Variants in UPF3B observed in about 807,000 individuals in gnomAD.
UPF3B encodes the protein regulator of nonsense transcripts 3B.
Under a neutral mutation model 40.3 loss-of-function variants are expected in UPF3B, and 7 were observed. The ratio of observed to expected loss-of-function variants is 0.17; its 90% confidence interval spans 0.10 to 0.33. The LOEUF is 0.33. UPF3B is among the 10% of genes least tolerant of loss of function. The probability of loss-of-function intolerance (pLI) is 1.00; values close to 1 mark genes in which losing one functional copy is unlikely to be tolerated. For missense variants in UPF3B, 229 were observed against 358.9 expected, an observed-to-expected ratio of 0.64 and a Z score of 2.93; for synonymous variants, 117 against 117.3, an observed-to-expected ratio of 1.00 and a Z score of 0.01.
downstream of UPF3B, among the ~76,000 whole-genome samples, chrX:119,831,981 T>C (rs1467057637): frequency 9.2e-6 from 1 of 108,959 alleles, no homozygotes; most frequent in East Asian, 2.8e-4. Context: ...GTAAATTTCT[T>C]TTACAGGATC....
At chrX:119,844,042 ATTTC>A (rs780080488) in intron 4 of UPF3B, among the ~76,000 whole-genome samples, 13 of 110,740 alleles carry the variant, frequency 1.2e-4, no homozygotes, top group Admixed American at 5.8e-4. Flanking sequence ...CAGTTCTTGT[ATTTC>A]TTTCTTTCTT....
downstream of UPF3B, among the ~76,000 whole-genome samples, chrX:119,829,264 C>T (rs2056012917): frequency 1.8e-5 from 2 of 112,116 alleles, no homozygotes; most frequent in South Asian, 7.3e-4. Flanking sequence ...TCGTGATCTG[C>T]CCGCCTTGGC....
chrX:119,841,361 C>T, intron 6 of UPF3B, 103 bp from the exon 7 acceptor site: 1 of 1,158,004 alleles, frequency 8.6e-7, no homozygotes, highest in East Asian at 3.0e-5. Context: ...ATCTTTCCTT[C>T]CTACTTTCTA....
rs55712755 is a variant in UPF3B, at chrX:119,851,748, C to CTT, written c.263+17_263+18dup. The CTT allele has an allele frequency of 3.3e-3, 1,843 of 558,382 alleles. 27 individuals are homozygous for CTT. Among genetic ancestry groups the CTT allele is most frequent in the African/African-American group, 3.5e-3 (71 of 20,012 alleles). The allele number at this position is 558,382 out of a possible 1,213,427, so 46.0% of individuals were successfully genotyped here. A position where few individuals can be genotyped will look rare whatever the true frequency, so the allele number is the denominator to read the frequency against. On this transcript the variant is annotated intron_variant, in intron 2 of 10. Transcript: ENST00000276201. ...GAAACCTTTTTCATTTACCCCTTTC[C>CTT]TTTTTTTTTTTTTTTTACCTCGTAT...
chrX:119,827,832 A>G (rs749691102), intron 3 of UPF3B, among the ~76,000 whole-genome samples: 1 of 110,512 alleles, frequency 9.0e-6, no homozygotes, highest in South Asian at 3.9e-4. Context: ...TCCGGGTTCA[A>G]GCAATTCTCC....
chrX:119,845,466 G>A (rs948100815), intron 3 of UPF3B, among the ~76,000 whole-genome samples, 170 bp from the exon 4 acceptor site: 1 of 111,883 alleles, frequency 8.9e-6, no homozygotes, highest in Admixed American at 9.5e-5. Context: ...ACTACAAAAG[G>A]AGCCACAAAT....
chrX:119,827,099 C>T (rs921837049), intron 3 of UPF3B, among the ~76,000 whole-genome samples: 6 of 111,868 alleles, frequency 5.4e-5, no homozygotes, highest in African/African-American at 1.9e-4. Flanking sequence ...CAAACAAGAG[C>T]AATTTTGAGA....
chrX:119,815,971 G>T (rs749041575), intron 4 of UPF3B, among the ~76,000 whole-genome samples: 1 of 111,075 alleles, frequency 9.0e-6, no homozygotes, highest in East Asian at 2.8e-4. Flanking sequence ...TAGTAGAGAC[G>T]GGGTTTCACC....
chrX:119,849,995 A>G (rs1402574759), intron 3 of UPF3B, among the ~76,000 whole-genome samples: 1 of 109,132 alleles, frequency 9.2e-6, no homozygotes, highest in Non-Finnish European at 1.9e-5. Context: ...AGTCTCTTTA[A>G]TAAGTGGTGT....
intron 3 of UPF3B, among the ~76,000 whole-genome samples, chrX:119,848,082 C>G (rs2056256610): frequency 9.2e-6 from 1 of 108,975 alleles, no homozygotes; most frequent in African/African-American, 3.4e-5. Flanking sequence ...GAGTTTGAAA[C>G]TAGCCTGGCC....
intron 2 of UPF3B, 45 bp from the exon 3 acceptor site, chrX:119,851,646 G>A (rs764321696): frequency 2.9e-6 from 3 of 1,022,123 alleles, no homozygotes; most frequent in Non-Finnish European, 4.1e-6. Context: ...GCAGGTGTCT[G>A]GCCCAATTAC....
chrX:119,827,736 CTTCT>C (rs1034765458), intron 3 of UPF3B, among the ~76,000 whole-genome samples: 21 of 109,232 alleles, frequency 1.9e-4, no homozygotes, highest in Middle Eastern at 4.7e-3. Context: ...TTTTTTTCCT[CTTCT>C]TTATTTTTTT....
chrX:119,841,171 C>T lies in UPF3B; in HGVS notation c.712G>A (p.Glu238Lys). The change falls in exon 7 of 11, where the codon GAA (glutamate) becomes AAA (lysine). Residue 238 changes from glutamate to lysine, a missense_variant. Physicochemically the swap from Glu to Lys is moderately conservative, Grantham distance 56. This residue lies in a region of UPF3B where 87 missense variants were observed against 184.2 expected (regional missense o/e 0.47). Transcript: ENST00000276201. ...TCTTTCCTTTTTCGTTTCTCTTCTT[C>T]TTTCCATTTCCTCCTCTCTTCTTCT... Reference protein sequence around the residue: ...QREEERRKWKEEEKRKRKDIE... With the variant: ...QREEERRKWKKEEKRKRKDIE... The T allele has an allele frequency of 8.4e-7, 1 of 1,185,806 alleles. No homozygotes were observed. The highest frequency in any genetic ancestry group is 1.1e-6 in the Non-Finnish European group (1 of 873,431).
downstream of UPF3B, among the ~76,000 whole-genome samples, chrX:119,833,508 T>G (rs756011004): frequency 9.1e-6 from 1 of 110,303 alleles, no homozygotes; most frequent in East Asian, 2.9e-4. Context: ...CCCAGCTAAT[T>G]TTTAAAAATT....
In UPF3B at chrX:119,847,585, G is replaced by A. The variant is rs771406986; in HGVS notation, c.371-2289C>T. ...GTTTGAGACCAGCCTGGCCAACATG[G>A]TGAAACTCCGTCTCTACCACAAACA... On this transcript the variant is annotated intron_variant, in intron 3 of 10. Coordinates refer to ENST00000276201, the MANE Select transcript of UPF3B (RefSeq NM_080632.3). 2.1e-3 allele frequency among the ~76,000 whole-genome samples: 228 copies of A among 110,043 alleles called. 1 individual carries two copies. The highest frequency in any genetic ancestry group is 2.9e-3 in the Non-Finnish European group (151 of 52,710).
At position 119,826,008 on chromosome X, in the gene UPF3B, A is replaced by G. The variant is rs148280976; in HGVS notation, c.393-2965T>C. 3.6e-5 allele frequency among the ~76,000 whole-genome samples: 4 copies of G among 110,965 alleles called. No individual in the cohort carries two copies. In the East Asian group the frequency reaches 1.1e-3, roughly 31 times the overall value. ...ATCCATTCTCTACTAAAAAAATACA[A>G]AAATTAGCCATTCATGGTGGCGCAC... On this transcript the variant is annotated intron_variant, in intron 3 of 6. Coordinates refer to the UPF3B transcript ENST00000636792.
intron 6 of UPF3B, among the ~76,000 whole-genome samples, chrX:119,806,479 A>G (rs1383695231): frequency 3.6e-5 from 4 of 110,844 alleles, no homozygotes; most frequent in Admixed American, 2.9e-4. Context: ...AACTTAAAGT[A>G]TAATAAAAAA....
In UPF3B at chrX:119,852,935, G is replaced by A; in HGVS notation, c.-7C>T. ...GCTCCTTCTCTTCCTTCATGGCTACGTCCCCCGCTGAAGCGGCTTGGCCGG... is the reference window on the plus strand; with the variant it reads ...GCTCCTTCTCTTCCTTCATGGCTACATCCCCCGCTGAAGCGGCTTGGCCGG... On this transcript the variant is annotated 5_prime_UTR_variant, in exon 1 of 11. In the 5' UTR this introduces an upstream ATG that the reference lacks. Transcript: ENST00000276201. 1 of 1,211,946 alleles carries A rather than the reference G, an allele frequency of 8.3e-7. No homozygotes were observed. Among genetic ancestry groups the A allele is most frequent in the Non-Finnish European group, 1.1e-6 (1 of 895,543 alleles).
intron 4 of UPF3B, 119 bp downstream of exon 4, chrX:119,845,079 A>T: frequency 1.8e-6 from 1 of 566,387 alleles, no homozygotes; most frequent in Non-Finnish European, 2.9e-6. Flanking sequence ...AACATTTCTC[A>T]CTTACTTTAT....
Sources: allele counts gnomAD v4.1 joint callset (sites outside exome capture counted in the v4.1 genomes callset), GRCh38; gene constraint gnomAD v4.1.1; regional missense constraint gnomAD v4.1.1; transcripts MANE v1.5; gene names NCBI Gene and HGNC (gene_info 2026-07-23, HGNC 2026-07-21).